BRF1: variants seen among roughly 807,000 people sequenced by gnomAD.
BRF1 encodes BRF1 general transcription factor IIIB subunit.
BRF1 carries 59 observed loss-of-function variants against 81.7 expected under a neutral mutation model. The observed-to-expected ratio is 0.72, with a 90% confidence interval of 0.59 to 0.90. BRF1 has a LOEUF of 0.90. Among genes scored for constraint, BRF1 ranks in the 40% least tolerant of loss-of-function variants. The probability of loss-of-function intolerance (pLI) is 0.00; values close to 1 mark genes in which losing one functional copy is unlikely to be tolerated. For synonymous variants in BRF1, 491 were observed against 395.6 expected (o/e 1.24, Z -2.86); for missense variants, 1,050 against 936.3 (o/e 1.12, Z -1.58).
At chr14:105,289,296 T>C (rs1326292917) in intron 1 of BRF1, among the ~76,000 whole-genome samples, 3 of 152,084 alleles carry the variant, frequency 2.0e-5, no homozygotes, top group African/African-American at 7.2e-5. Context: ...TGAGCTGTGA[T>C]GCACCTCTGC....
intron 1 of BRF1, among the ~76,000 whole-genome samples, chr14:105,306,507 G>A (rs1317798885): frequency 6.6e-6 from 1 of 152,006 alleles, no homozygotes; most frequent in Non-Finnish European, 1.5e-5. Flanking sequence ...GTTTCACCAT[G>A]TTGGCCAGGA....
chr14:105,249,342 G>C, intron 5 of BRF1: 1 of 1,605,720 alleles, frequency 6.2e-7, no homozygotes, highest in Non-Finnish European at 8.5e-7. Context: ...GGCTCACGGC[G>C]GCGCTTTCTC....
In BRF1 at chr14:105,226,699, C is replaced by G. The variant is rs763799830; in HGVS notation, c.850G>C (p.Asp284His). The change falls in exon 8 of 18, where the codon GAC becomes CAC. Residue 284 changes from aspartate (D) to histidine (H), a missense_variant. Physicochemically the swap from Asp to His is moderately conservative, Grantham distance 81. This residue lies in a region of BRF1 where 1,043 missense variants were observed against 915.4 expected (regional missense o/e 1.14). Coordinates refer to ENST00000547530, the MANE Select transcript of BRF1 (RefSeq NM_001519.4). Reference sequence around the variant, plus strand: ...GGGGGGTCGCACTCCTCCTCCAGGTCGATCTTCATGAACTCATCAATGGTC... The same window carrying G: ...GGGGGGTCGCACTCCTCCTCCAGGTGGATCTTCATGAACTCATCAATGGTC... ...QLTIDEFMKI[D>H]LEEECDPPSY... The G allele has an allele frequency of 6.2e-7, 1 of 1,613,550 alleles. No homozygotes were observed. The highest frequency in any genetic ancestry group is 1.3e-5 in the African/African-American group (1 of 74,928).
At chr14:105,242,735 CAAAAAAAAAAAAAA>C (rs753645207) in intron 5 of BRF1, 1 of 38,876 alleles carries the variant, frequency 2.6e-5, no homozygotes, top group African/African-American at 1.2e-4. Flanking sequence ...AGTTCTGACT[CAAAAAAAAAAAAAA>C]AAAAAAAAAA....
intron 1 of BRF1, among the ~76,000 whole-genome samples, chr14:105,293,441 C>A (rs1306931175): frequency 6.6e-6 from 1 of 152,240 alleles, no homozygotes; most frequent in Non-Finnish European, 1.5e-5. Flanking sequence ...TCTGGTGACA[C>A]TGAGGTGTGC....
Position 105,219,184 on chromosome 14 carries a change from T to C in BRF1, c.1426A>G (p.Arg476Gly). The C allele has an allele frequency of 6.2e-7, 1 of 1,612,700 alleles. No individual in the cohort carries two copies. Among genetic ancestry groups the C allele is most frequent in the Admixed American group, 1.7e-5 (1 of 60,004 alleles). The change falls in exon 13 of 18, where the codon AGG becomes GGG. Residue 476 changes from arginine to glycine, a missense_variant. Around this residue, in one of 2 missense-constraint regions of BRF1, gnomAD observed 1,043 missense variants for 915.4 expected, o/e 1.14. Transcript: ENST00000547530. The part of the protein sequence containing the change: ...EARVKAELWM[R>G]ENAEYLREQR... ...TCCCGCAGGTACTCGGCGTTCTCCC[T>C]CATCCACAGCTCGGCCTTCACGCGG...
chr14:105,312,359 G>A (rs1477820669), intron 1 of BRF1, among the ~76,000 whole-genome samples: 2 of 152,134 alleles, frequency 1.3e-5, no homozygotes, highest in East Asian at 1.9e-4. Flanking sequence ...CACAACCTCC[G>A]GGGACCCCGG....
At position 105,209,392 on chromosome 14, in the gene BRF1, G is replaced by A. The variant is rs902016300; in HGVS notation, c.*1159C>T. 6.2e-6 allele frequency: 4 copies of A among 643,710 alleles called. No homozygotes were observed. The highest frequency in any genetic ancestry group is 2.8e-5 in the East Asian group (1 of 35,636). 39.9% of individuals were successfully genotyped at this position (643,710 alleles called of 1,614,324 possible). A position where few individuals can be genotyped will look rare whatever the true frequency, so the allele number is the denominator to read the frequency against. ...AGGCTGGCTACTGAGCTCTGGGCGG[G>A]GGTAGGGGGGTCTGGCCTGCTGCGG... is the stretch of plus-strand genomic sequence containing the variant. On this transcript the variant is annotated 3_prime_UTR_variant, in exon 18 of 18. Coordinates refer to ENST00000547530, the MANE Select transcript of BRF1 (RefSeq NM_001519.4).
chr14:105,310,008 A>ACTCCTGACCTGGAGATCCACCCGCCTC (rs2058303900), intron 1 of BRF1, among the ~76,000 whole-genome samples: 2 of 148,782 alleles, frequency 1.3e-5, no homozygotes, highest in Non-Finnish European at 3.0e-5. Flanking sequence ...CTAGTTTTGA[A>ACTCCTGACCTGGAGATCCACCCGCCTC]CTCCTGACCT....
rs72709738 is a variant in BRF1 at position 105,248,251 on chromosome 14, G to A, written c.544+4256C>T. On this transcript the variant is annotated intron_variant, in intron 5 of 17. Coordinates refer to ENST00000547530, the MANE Select transcript of BRF1 (RefSeq NM_001519.4). Reference sequence around the variant, plus strand: ...AAGCCCAACGACCATCCCACAGGCCGCGGCCAGAGGCAGACTCCGGAATGC... The same window carrying A: ...AAGCCCAACGACCATCCCACAGGCCACGGCCAGAGGCAGACTCCGGAATGC... The A allele has an allele frequency of 1.5e-3, 1,477 of 985,466 alleles. 3 individuals carry two copies. The highest frequency in any genetic ancestry group is 1.7e-3 in the Non-Finnish European group (1,428 of 829,940). The allele number at this position is 985,466 out of a possible 1,614,324, so 61.0% of individuals were successfully genotyped here. A position where few individuals can be genotyped will look rare whatever the true frequency, so the allele number is the denominator to read the frequency against.
chr14:105,241,694 C>T (rs973027602), intron 5 of BRF1: 2 of 495,230 alleles, frequency 4.0e-6, no homozygotes, highest in Non-Finnish European at 7.4e-6. Flanking sequence ...CTGCTCAGGA[C>T]ACAGAGGGGC....
At chr14:105,211,076 G>T in intron 17 of BRF1, 46 bp downstream of exon 17, 1 of 1,602,594 alleles carries the variant, frequency 6.2e-7, no homozygotes, top group South Asian at 1.1e-5. Context: ...AGTAGCTGAT[G>T]CCTTTATTTC....
chr14:105,241,074 C>T (rs1429994394), intron 6 of BRF1, among the ~76,000 whole-genome samples, 191 bp downstream of exon 6: 1 of 152,232 alleles, frequency 6.6e-6, no homozygotes, highest in Non-Finnish European at 1.5e-5. Context: ...ACGCAGAGGC[C>T]AACGGGGCAG....
chr14:105,244,510 G>C (rs866897756), intron 5 of BRF1, among the ~76,000 whole-genome samples: 4 of 151,822 alleles, frequency 2.6e-5, no homozygotes, highest in African/African-American at 9.7e-5. Flanking sequence ...CTAGGGTGGA[G>C]GAGGAAGTGG....
chr14:105,217,556 C>G lies in BRF1; in HGVS notation c.1760G>C (p.Ser587Thr), dbSNP rs370288579. The change falls in exon 15 of 18, where the codon AGT becomes ACT. Residue 587 changes from serine (S) to threonine (T), a missense_variant. By Grantham distance (58) the Ser-to-Thr change is moderately conservative. This residue lies in a region of BRF1 where 1,043 missense variants were observed against 915.4 expected (regional missense o/e 1.14). Transcript: ENST00000547530. The stretch of plus-strand genomic sequence containing the variant: ...GACAGGATGGTACCTTTTCCCCACA[C>G]TGGTCACAGGGTCAGCCCCACTTCT... Reference protein sequence around the residue: ...ASRSGADPVTSVGKRLRPLVS... With the variant: ...ASRSGADPVTTVGKRLRPLVS... The G allele has an allele frequency of 1.2e-6, 2 of 1,613,182 alleles. No homozygotes were observed. The highest frequency in any genetic ancestry group is 1.1e-5 in the South Asian group (1 of 91,074).
chr14:105,248,062 G>A (rs1555384088), intron 5 of BRF1: 1 of 985,552 alleles, frequency 1.0e-6, no homozygotes, highest in Non-Finnish European at 1.2e-6. Flanking sequence ...GTGACCTTCA[G>A]CGCGCGACTA....
Position 105,228,927 on chromosome 14 carries a change from A to G in BRF1, c.695-14T>C. 6.2e-7 allele frequency: 1 copy of G among 1,612,920 alleles called. No individual in the cohort carries two copies. The highest frequency in any genetic ancestry group is 8.5e-7 in the Non-Finnish European group (1 of 1,179,768). ...CAACCAGGAGCGCTGGAAGGCAACG[A>G]GACGGGCCTCGTCAACCACGGCTGG... On this transcript the variant is annotated splice_polypyrimidine_tract_variant and intron_variant, in intron 6 of 17. Transcript: ENST00000547530.
At chr14:105,270,361 C>T (rs974033326) in intron 3 of BRF1, among the ~76,000 whole-genome samples, 33 of 151,948 alleles carry the variant, frequency 2.2e-4, no homozygotes, top group South Asian at 6.2e-4. Flanking sequence ...ATTTTTAGTA[C>T]AGACGGGGTT....
rs587604871 is a variant in BRF1 at position 105,300,136 on chromosome 14, G to C, written c.184+310C>G. ...TGCTGAAAACAAAACTGCAGGCACAGAGAGTGACAGTGAGGGGCAGCTTGA... is the reference window on the plus strand; with the variant it reads ...TGCTGAAAACAAAACTGCAGGCACACAGAGTGACAGTGAGGGGCAGCTTGA... On this transcript the variant is annotated intron_variant, in intron 1 of 17. Coordinates refer to ENST00000547530, the MANE Select transcript of BRF1 (RefSeq NM_001519.4). Among the ~76,000 whole-genome samples, 470 of 152,390 alleles carry C rather than the reference G, an allele frequency of 3.1e-3. 3 individuals carry two copies. The highest frequency in any genetic ancestry group is 0.011 in the African/African-American group (452 of 41,602).
Sources: allele counts gnomAD v4.1 joint callset (sites outside exome capture counted in the v4.1 genomes callset), GRCh38; gene constraint gnomAD v4.1.1; regional missense constraint gnomAD v4.1.1; transcripts MANE v1.5; gene names NCBI Gene and HGNC (gene_info 2026-07-23, HGNC 2026-07-21).